The following B3GALT1 variants were observed in gnomAD, a reference collection of about 807,000 sequenced individuals.
The protein encoded by B3GALT1 is beta-1,3-galactosyltransferase 1.
In B3GALT1, 10 loss-of-function variants were observed where a neutral mutation model predicts 23.2. The observed-to-expected ratio is 0.43, with a 90% CI of 0.27 to 0.73. The LOEUF (loss-of-function observed/expected upper bound fraction) is 0.73, where lower values mean the gene tolerates loss of function less well. Ranked by LOEUF, B3GALT1 falls within the 30% of genes least tolerant of loss-of-function variation. B3GALT1 has a pLI of 0.21. For synonymous variants in B3GALT1, 156 were observed against 141.5 expected, an observed-to-expected ratio of 1.10 and a Z score of -0.73; for missense variants, 299 against 405.4, an observed-to-expected ratio of 0.74 and a Z score of 2.25.
rs904610365 is a variant in B3GALT1 at position 167,582,302 on chromosome 2, G to A, written c.-409-64607G>A. ...TTTTGAAAACGGAGTGTTGTTGTCT[G>A]CCTTGGGTTTCCAGACTTGGCGTGC... On this transcript the variant is annotated intron_variant, in intron 2 of 4. Transcript: ENST00000392690. Among the ~76,000 whole-genome samples, 7 of 152,312 alleles carry A rather than the reference G, an allele frequency of 4.6e-5. No homozygotes were observed. The East Asian group carries it at 1.3e-3, about 29-fold the overall frequency.
At chr2:167,512,594 G>GCA (rs1700033365) in intron 2 of B3GALT1, among the ~76,000 whole-genome samples, 4 of 57,330 alleles carry the variant, frequency 7.0e-5, no homozygotes, top group African/African-American at 2.0e-4. Flanking sequence ...ATATATATGT[G>GCA]TATATATATA....
At chr2:167,410,101 A>G (rs911261441) in intron 1 of B3GALT1, among the ~76,000 whole-genome samples, 3 of 152,178 alleles carry the variant, frequency 2.0e-5, no homozygotes, top group Admixed American at 2.0e-4. Flanking sequence ...CAGCCATAAC[A>G]AAGAATGAGT....
intron 1 of B3GALT1, among the ~76,000 whole-genome samples, chr2:167,389,033 G>C (rs1415061724): frequency 6.6e-6 from 1 of 151,962 alleles, no homozygotes; most frequent in Non-Finnish European, 1.5e-5. Flanking sequence ...TAAATTCTGG[G>C]AGAGACATTT....
intron 1 of B3GALT1, among the ~76,000 whole-genome samples, chr2:167,340,675 G>A (rs1697134282): frequency 6.6e-6 from 1 of 152,172 alleles, no homozygotes; most frequent in African/African-American, 2.4e-5. Context: ...ATCGGAGTAA[G>A]TTCCCACCAC....
chr2:167,739,990 T>G (rs1248212771), intron 3 of B3GALT1, among the ~76,000 whole-genome samples: 5 of 151,048 alleles, frequency 3.3e-5, no homozygotes, highest in Non-Finnish European at 7.4e-5. Context: ...ACTCAGCTAT[T>G]TGGGAGGCTG....
intron 1 of B3GALT1, among the ~76,000 whole-genome samples, chr2:167,457,180 T>C (rs892915029): frequency 7.2e-5 from 11 of 152,080 alleles, no homozygotes; most frequent in African/African-American, 2.7e-4. Flanking sequence ...TCTTTTTTAT[T>C]ATTATTTTTT....
intron 1 of B3GALT1, among the ~76,000 whole-genome samples, chr2:167,396,077 T>G (rs1698090011): frequency 6.6e-6 from 1 of 152,170 alleles, no homozygotes; most frequent in Non-Finnish European, 1.5e-5. Flanking sequence ...AGGGCTTCAA[T>G]TCTTAGTTTC....
At chr2:167,809,165 T>C (rs1214153126) in intron 3 of B3GALT1, among the ~76,000 whole-genome samples, 1 of 152,222 alleles carries the variant, frequency 6.6e-6, no homozygotes, top group East Asian at 1.9e-4. Context: ...CTGCATTGGT[T>C]ATTCTAGTTA....
chr2:167,642,100 A>G (rs950775721), intron 2 of B3GALT1, among the ~76,000 whole-genome samples: 9 of 152,296 alleles, frequency 5.9e-5, no homozygotes, highest in Middle Eastern at 3.4e-3. Flanking sequence ...TGTGAGCACC[A>G]TCATCCCTTT....
chr2:167,677,863 A>T (rs1686454432), intron 3 of B3GALT1, among the ~76,000 whole-genome samples: 1 of 152,172 alleles, frequency 6.6e-6, no homozygotes, highest in African/African-American at 2.4e-5. Flanking sequence ...GTCCTTATTC[A>T]AATGGTGGCA....
intron 1 of B3GALT1, among the ~76,000 whole-genome samples, chr2:167,410,933 C>G (rs1394179655): frequency 1.3e-5 from 2 of 151,510 alleles, no homozygotes; most frequent in Non-Finnish European, 2.9e-5. Flanking sequence ...TCTTAATAGA[C>G]CTAACAGAAA....
rs1328576770 is a variant in B3GALT1 at position 167,871,401 on chromosome 2, TATC to T, written c.*1385_*1387del. 1.3e-5 allele frequency: 2 copies of T among 152,218 alleles called. No individual in the cohort carries two copies. The highest frequency in any genetic ancestry group is 2.9e-5 in the Non-Finnish European group (2 of 68,036). 9.4% of individuals were successfully genotyped at this position (152,218 alleles called of 1,614,324 possible). The stretch of plus-strand genomic sequence containing the variant: ...CAATGATGGTCATCAGTAGCAGTAA[TATC>T]ATCTTAATATAAAATCTGCTGAAAT... On this transcript the variant is annotated 3_prime_UTR_variant, in exon 5 of 5. Transcript: ENST00000392690.
intron 3 of B3GALT1, among the ~76,000 whole-genome samples, chr2:167,772,362 A>G (rs1327963300): frequency 6.6e-6 from 1 of 152,216 alleles, no homozygotes; most frequent in Non-Finnish European, 1.5e-5. Context: ...TTTAGTTCTC[A>G]TAACAACCCT....
At chr2:167,629,916 C>T (rs190940385) in intron 2 of B3GALT1, among the ~76,000 whole-genome samples, 2 of 151,880 alleles carry the variant, frequency 1.3e-5, no homozygotes, top group Admixed American at 1.3e-4. Flanking sequence ...AATTACATGA[C>T]TAACCATATC....
chr2:167,856,260 CAA>C (rs957518839), intron 4 of B3GALT1, among the ~76,000 whole-genome samples: 16 of 152,034 alleles, frequency 1.1e-4, no homozygotes, highest in Admixed American at 9.8e-4. Flanking sequence ...TTATGAAAAA[CAA>C]GAGCAAAAAG....
chr2:167,342,966 A>G (rs1216338083), intron 1 of B3GALT1, among the ~76,000 whole-genome samples: 1 of 152,206 alleles, frequency 6.6e-6, no homozygotes, highest in East Asian at 1.9e-4. Flanking sequence ...CCAAACACAT[A>G]TCACCTCAAG....
chr2:167,652,936 G>A (rs894706430), intron 3 of B3GALT1, among the ~76,000 whole-genome samples: 3 of 152,130 alleles, frequency 2.0e-5, no homozygotes, highest in Non-Finnish European at 4.4e-5. Flanking sequence ...TTATATGGAT[G>A]TGTACCTATG....
intron 2 of B3GALT1, among the ~76,000 whole-genome samples, chr2:167,589,505 A>G (rs916957148): frequency 2.0e-5 from 3 of 152,302 alleles, no homozygotes; most frequent in Non-Finnish European, 4.4e-5. Context: ...TAAAGATTGA[A>G]AAATTTTTGT....
intron 2 of B3GALT1, among the ~76,000 whole-genome samples, chr2:167,583,097 T>G (rs1290379452): frequency 6.6e-6 from 1 of 152,228 alleles, no homozygotes; most frequent in Non-Finnish European, 1.5e-5. Flanking sequence ...AGAACTCCTC[T>G]GCTCTCAGTG....
Sources: gnomAD v4.1 joint callset for allele counts (sites outside exome capture counted in the v4.1 genomes callset) on GRCh38, gnomAD v4.1.1 for gene constraint, MANE v1.5 for transcripts, NCBI Gene and HGNC (gene_info 2026-07-23, HGNC 2026-07-21) for gene names.